TEAD4: variants seen among roughly 807,000 people sequenced by gnomAD.
TEAD4 encodes the protein transcriptional enhancer factor TEF-3.
TEAD4 carries 36 observed loss-of-function variants against 52.4 expected under a neutral mutation model. The ratio of observed to expected loss-of-function variants is 0.69; its 90% CI spans 0.53 to 0.91. The LOEUF (loss-of-function observed/expected upper bound fraction) is 0.91, where lower values mean the gene tolerates loss of function less well. TEAD4 is among the 40% of genes least tolerant of loss of function. TEAD4 has a pLI of 0.00. For missense variants in TEAD4, 508 were observed against 583.9 expected, an observed-to-expected ratio of 0.87 and a Z score of 1.34; for synonymous variants, 220 against 231.0, an observed-to-expected ratio of 0.95 and a Z score of 0.43.
At chr12:2,997,810 G>C (rs867564109) in intron 3 of TEAD4, among the ~76,000 whole-genome samples, 4 of 151,132 alleles carry the variant, frequency 2.6e-5, no homozygotes, top group Non-Finnish European at 5.9e-5. Flanking sequence ...TTTTTCGGGG[G>C]GGGGGTGTGT....
chr12:3,033,212 T>C (rs1054906310), intron 10 of TEAD4, among the ~76,000 whole-genome samples: 7 of 152,214 alleles, frequency 4.6e-5, no homozygotes, highest in African/African-American at 1.7e-4. Context: ...TTACTGCTCT[T>C]ACTGAGGGCG....
At chr12:3,022,757 T>C (rs2098269594) in intron 10 of TEAD4, among the ~76,000 whole-genome samples, 2 of 152,130 alleles carry the variant, frequency 1.3e-5, no homozygotes, top group Non-Finnish European at 2.9e-5. Flanking sequence ...TAAGTGCTAA[T>C]GAAGCCAGCG....
Position 2,968,385 on chromosome 12 carries a change from C to CTTTTTTTTTTTTT in TEAD4, c.-30+8360_-30+8372dup, listed in dbSNP as rs61672018. 1.8e-4 allele frequency among the ~76,000 whole-genome samples: 10 copies of CTTTTTTTTTTTTT among 55,064 alleles called. 2 individuals are homozygous for CTTTTTTTTTTTTT. The highest frequency in any genetic ancestry group is 6.6e-4 in the African/African-American group (10 of 15,058). 36.1% of individuals were successfully genotyped at this position (55,064 alleles called of 152,430 possible). A position where few individuals can be genotyped will look rare whatever the true frequency, so the allele number is the denominator to read the frequency against. ...ACAGGTGTGAGCCACCGCGCCCGGC[C>CTTTTTTTTTTTTT]TTTTTTTTTTTTTTTTTTTTTTTTT... On this transcript the variant is annotated intron_variant, in intron 2 of 12. Coordinates refer to ENST00000359864, the MANE Select transcript of TEAD4 (RefSeq NM_003213.4).
intron 3 of TEAD4, among the ~76,000 whole-genome samples, chr12:3,010,458 C>T (rs574336397): frequency 3.8e-4 from 58 of 152,318 alleles, no homozygotes; most frequent in Middle Eastern, 6.8e-3. Flanking sequence ...TATGAGCGGA[C>T]GGGCTCAGGC....
intron 2 of TEAD4, among the ~76,000 whole-genome samples, chr12:2,964,500 C>G (rs1314955281): frequency 6.6e-6 from 1 of 151,494 alleles, no homozygotes; most frequent in Non-Finnish European, 1.5e-5. Context: ...TTTTGTTGCC[C>G]AGGCTGGAGT....
intron 2 of TEAD4, among the ~76,000 whole-genome samples, chr12:2,969,025 A>C (rs2098222906): frequency 6.6e-6 from 1 of 152,100 alleles, no homozygotes; most frequent in African/African-American, 2.4e-5. Context: ...GTCATTTCTC[A>C]TTTCTAGAAG....
chr12:2,963,010 T>C (rs116469305), intron 2 of TEAD4, among the ~76,000 whole-genome samples: 58 of 152,304 alleles, frequency 3.8e-4, no homozygotes, highest in African/African-American at 1.3e-3. Context: ...CAGATAAGGT[T>C]GGTAGGAGGC....
At chr12:2,971,107 A>G (rs1280438475) in intron 2 of TEAD4, among the ~76,000 whole-genome samples, 3 of 152,214 alleles carry the variant, frequency 2.0e-5, no homozygotes, top group African/African-American at 7.2e-5. Context: ...CAGCGGGAGT[A>G]TGGAACGGAA....
chr12:3,037,590 A>T (rs1172000077), intron 10 of TEAD4, among the ~76,000 whole-genome samples: 2 of 152,200 alleles, frequency 1.3e-5, no homozygotes, highest in African/African-American at 4.8e-5. Context: ...CATTCAAACT[A>T]AAATAGAGCT....
intron 2 of TEAD4, among the ~76,000 whole-genome samples, chr12:2,980,003 G>A (rs757547012): frequency 1.3e-5 from 2 of 152,136 alleles, no homozygotes; most frequent in Non-Finnish European, 2.9e-5. Flanking sequence ...CTGGGAAGAA[G>A]CCCTCTCCTG....
intron 5 of TEAD4, among the ~76,000 whole-genome samples, chr12:3,016,289 A>G (rs1034476968): frequency 2.0e-5 from 3 of 152,184 alleles, no homozygotes; most frequent in African/African-American, 7.2e-5. Context: ...CAGCCTCTCC[A>G]GGAGCTGGGA....
At chr12:3,009,452 AAAG>A (rs147023717) in intron 3 of TEAD4, among the ~76,000 whole-genome samples, 7,297 of 152,230 alleles carry the variant, frequency 0.048, 565 homozygotes, top group African/African-American at 0.16. Flanking sequence ...AAATAAAAAT[AAAG>A]AAGAAGAGAA....
At chr12:2,993,288 A>G (rs1477464415) in intron 2 of TEAD4, among the ~76,000 whole-genome samples, 1 of 152,120 alleles carries the variant, frequency 6.6e-6, no homozygotes, top group Non-Finnish European at 1.5e-5. Flanking sequence ...GCTCCTGGTA[A>G]CCACCATTCT....
At chr12:3,020,386 G>A (rs1270360195) in intron 8 of TEAD4, among the ~76,000 whole-genome samples, 1 of 24,888 alleles carries the variant, frequency 4.0e-5, no homozygotes, top group Non-Finnish European at 2.9e-4. Context: ...TTGCTCGGCG[G>A]TTCCATGCAG....
At chr12:3,014,343 C>T (rs1008869559) in intron 5 of TEAD4, among the ~76,000 whole-genome samples, 7 of 152,366 alleles carry the variant, frequency 4.6e-5, no homozygotes, top group South Asian at 2.1e-4. Flanking sequence ...TGTACTTGTC[C>T]TTGTCCACAG....
rs916384490 is a variant in TEAD4, at chr12:2,959,878, C to G, written c.-122-70C>G. On this transcript the variant is annotated intron_variant, in intron 1 of 12. Coordinates refer to ENST00000359864, the MANE Select transcript of TEAD4 (RefSeq NM_003213.4). The surrounding 1 kb of genome is among the most constrained non-coding windows in gnomAD (Gnocchi z 5.1). ...GGTGGGCTTGGCCCCGCGGCCCCGCCTTCACTGCGCCGCCCGTCGGCCCCG... is the reference window on the plus strand; with the variant it reads ...GGTGGGCTTGGCCCCGCGGCCCCGCGTTCACTGCGCCGCCCGTCGGCCCCG... 6.6e-6 allele frequency: 1 copy of G among 151,746 alleles called. No homozygotes were observed. Among genetic ancestry groups the G allele is most frequent in the Non-Finnish European group, 1.5e-5 (1 of 67,932 alleles). The allele number at this position is 151,746 out of a possible 1,614,324, so 9.4% of individuals were successfully genotyped here.
chr12:3,005,664 A>AT (rs370939562), intron 3 of TEAD4, among the ~76,000 whole-genome samples: 2 of 151,008 alleles, frequency 1.3e-5, no homozygotes, highest in East Asian at 2.0e-4. Flanking sequence ...GCCCGGCTAT[A>AT]TTTTTTTTGT....
intron 10 of TEAD4, among the ~76,000 whole-genome samples, chr12:3,033,957 G>T (rs1031211106): frequency 6.6e-6 from 1 of 151,462 alleles, no homozygotes; most frequent in African/African-American, 2.5e-5. Context: ...GTGCTCTGGG[G>T]CGGTTCGTCC....
At chr12:2,993,124 C>G (rs2098244462) in intron 2 of TEAD4, among the ~76,000 whole-genome samples, 1 of 152,054 alleles carries the variant, frequency 6.6e-6, no homozygotes, top group South Asian at 2.1e-4. Flanking sequence ...TAAAAAAGAC[C>G]ACAAAATGTA....
Sources: allele counts gnomAD v4.1 joint callset (sites outside exome capture counted in the v4.1 genomes callset), GRCh38; gene constraint gnomAD v4.1.1; non-coding constraint Gnocchi (gnomAD v3.1); transcripts MANE v1.5; gene names NCBI Gene and HGNC (gene_info 2026-07-23, HGNC 2026-07-21).